Variants in RANBP9 observed in about 807,000 individuals in gnomAD.
RANBP9 encodes the protein ran-binding protein 9.
RANBP9 carries 15 observed loss-of-function variants against 84.3 expected under a neutral mutation model. The observed-to-expected ratio is 0.18, with a 90% CI of 0.12 to 0.27. The LOEUF is 0.27. RANBP9 is among the 10% of genes least tolerant of loss of function. The pLI is 1.00. For synonymous variants in RANBP9, 392 were observed against 349.6 expected, an observed-to-expected ratio of 1.12 and a Z score of -1.35; for missense variants, 809 against 912.8, an observed-to-expected ratio of 0.89 and a Z score of 1.46.
At chr6:13,630,415 A>G (rs1051641638) in intron 12 of RANBP9, among the ~76,000 whole-genome samples, 2 of 152,210 alleles carry the variant, frequency 1.3e-5, no homozygotes, top group Non-Finnish European at 2.9e-5. Flanking sequence ...AATGGAGTAT[A>G]ATCTTAAATT....
chr6:13,704,216 A>T (rs1458107946), intron 1 of RANBP9, among the ~76,000 whole-genome samples: 1 of 152,156 alleles, frequency 6.6e-6, no homozygotes, highest in Non-Finnish European at 1.5e-5. Flanking sequence ...CTATCTTCCA[A>T]TCAGCTGCGT....
intron 1 of RANBP9, among the ~76,000 whole-genome samples, chr6:13,697,407 T>G (rs1757864459): frequency 6.6e-6 from 1 of 152,196 alleles, no homozygotes; most frequent in African/African-American, 2.4e-5. Context: ...AATTTACAGT[T>G]TTGTTCTTTG....
chr6:13,650,336 T>C (rs1765268669), intron 5 of RANBP9, among the ~76,000 whole-genome samples: 1 of 151,940 alleles, frequency 6.6e-6, no homozygotes, highest in Non-Finnish European at 1.5e-5. Context: ...AATTATTTTC[T>C]ATTATAATTT....
At chr6:13,658,945 A>G (rs1765474062) in intron 2 of RANBP9, 113 bp from the exon 3 acceptor site, 1 of 948,400 alleles carries the variant, frequency 1.1e-6, no homozygotes, top group Admixed American at 2.0e-5. Flanking sequence ...GGAACTCCTA[A>G]GGTAGCAACA....
chr6:13,681,773 A>G (rs1054216640), intron 2 of RANBP9, among the ~76,000 whole-genome samples: 2 of 152,242 alleles, frequency 1.3e-5, no homozygotes, highest in African/African-American at 2.4e-5. Context: ...TCAAAAGGAA[A>G]TAACAAAAGA....
intron 2 of RANBP9, among the ~76,000 whole-genome samples, chr6:13,679,500 G>A (rs1046584745): frequency 1.3e-5 from 2 of 152,110 alleles, no homozygotes; most frequent in East Asian, 3.8e-4. Context: ...TTGTTAAACT[G>A]TTAAATGTTA....
At chr6:13,668,869 C>A (rs1437039829) in intron 2 of RANBP9, among the ~76,000 whole-genome samples, 1 of 152,028 alleles carries the variant, frequency 6.6e-6, no homozygotes, top group African/African-American at 2.4e-5. Context: ...CAACATAGTA[C>A]TGAAACTTCT....
chr6:13,637,775 T>C lies in RANBP9; in HGVS notation c.1673+33A>G, dbSNP rs1260340755. The stretch of plus-strand genomic sequence containing the variant: ...CGATTACACCTATAACTAGGTTGCT[T>C]ATATTAGTGCAAAAGTCAGTGAAAT... On this transcript the variant is annotated intron_variant, in intron 10 of 13. Coordinates refer to ENST00000011619, the MANE Select transcript of RANBP9 (RefSeq NM_005493.3). The C allele has an allele frequency of 3.9e-6, 6 of 1,529,280 alleles. No individual in the cohort carries two copies. In the East Asian group the frequency reaches 1.4e-4, roughly 35 times the overall value. The allele number at this position is 1,529,280 out of a possible 1,614,324, so 94.7% of individuals were successfully genotyped here. A position where few individuals can be genotyped will look rare whatever the true frequency, so the allele number is the denominator to read the frequency against.
At chr6:13,698,079 C>G (rs1457293650) in intron 1 of RANBP9, among the ~76,000 whole-genome samples, 1 of 152,202 alleles carries the variant, frequency 6.6e-6, no homozygotes, top group Admixed American at 6.5e-5. Flanking sequence ...AAATTTCCAA[C>G]ACATGCCTTA....
At chr6:13,667,063 G>T (rs1484975527) in intron 2 of RANBP9, among the ~76,000 whole-genome samples, 2 of 152,110 alleles carry the variant, frequency 1.3e-5, no homozygotes, top group African/African-American at 4.8e-5. Context: ...ATGTGAACAA[G>T]AAATTTATTA....
chr6:13,637,732 C>A, intron 10 of RANBP9, 76 bp downstream of exon 10: 1 of 1,366,712 alleles, frequency 7.3e-7, no homozygotes, highest in Non-Finnish European at 9.8e-7. Context: ...AATTCAAGTT[C>A]TTTCAAAATT....
chr6:13,634,361 C>A, intron 11 of RANBP9, 70 bp downstream of exon 11: 1 of 1,525,320 alleles, frequency 6.6e-7, no homozygotes, highest in Non-Finnish European at 8.9e-7. Context: ...AGCTGTGAAT[C>A]AGTACAAGTA....
At chr6:13,708,235 A>T (rs1758177650) in intron 1 of RANBP9, among the ~76,000 whole-genome samples, 2 of 152,264 alleles carry the variant, frequency 1.3e-5, no homozygotes, top group East Asian at 3.9e-4. Flanking sequence ...TAGCCTAGGC[A>T]ACACAGTAAG....
intron 2 of RANBP9, among the ~76,000 whole-genome samples, chr6:13,681,425 C>G (rs889549463): frequency 6.6e-6 from 1 of 151,834 alleles, no homozygotes; most frequent in Non-Finnish European, 1.5e-5. Context: ...ATTTTAAGTG[C>G]AAAAAACCCA....
intron 4 of RANBP9, among the ~76,000 whole-genome samples, chr6:13,655,690 G>A (rs1013749340): frequency 8.5e-5 from 13 of 152,122 alleles, no homozygotes; most frequent in African/African-American, 3.1e-4. Flanking sequence ...AGTTTAAAAA[G>A]TTTATGTTAA....
chr6:13,629,572 A>G (rs1764717264), intron 12 of RANBP9, among the ~76,000 whole-genome samples: 1 of 152,196 alleles, frequency 6.6e-6, no homozygotes. Flanking sequence ...GTTTCTAAAT[A>G]GGGTGACTCT....
At chr6:13,688,749 T>C (rs1044476846) in intron 2 of RANBP9, among the ~76,000 whole-genome samples, 1 of 151,832 alleles carries the variant, frequency 6.6e-6, no homozygotes, top group Non-Finnish European at 1.5e-5. Flanking sequence ...CTCCTAGCCC[T>C]AGCCCGTAAA....
At chr6:13,626,681 G>C (rs978682980) in intron 12 of RANBP9, among the ~76,000 whole-genome samples, 2 of 152,336 alleles carry the variant, frequency 1.3e-5, no homozygotes, top group South Asian at 4.1e-4. Context: ...GGCAGACATG[G>C]AGAGTTGCTG....
chr6:13,698,354 A>T (rs575940818), intron 1 of RANBP9, among the ~76,000 whole-genome samples: 5 of 152,250 alleles, frequency 3.3e-5, no homozygotes, highest in Non-Finnish European at 7.3e-5. Flanking sequence ...CACTGAGCTA[A>T]GCAGCAGAAA....
Sources: allele counts gnomAD v4.1 joint callset (sites outside exome capture counted in the v4.1 genomes callset), GRCh38; gene constraint gnomAD v4.1.1; transcripts MANE v1.5; gene names NCBI Gene and HGNC (gene_info 2026-07-23, HGNC 2026-07-21).